The following ATP11B variants were observed in gnomAD, a reference collection of about 807,000 sequenced individuals.
ATP11B encodes the protein phospholipid-transporting ATPase IF.
ATP11B carries 81 observed loss-of-function variants against 157.8 expected under a neutral mutation model. The ratio of observed to expected loss-of-function variants is 0.51; its 90% CI spans 0.43 to 0.62. The LOEUF (loss-of-function observed/expected upper bound fraction) is 0.62. Ranked by LOEUF, ATP11B falls within the 20% of genes least tolerant of loss-of-function variation. ATP11B has a pLI of 0.00. For missense variants in ATP11B, 1,165 were observed against 1,402.2 expected (o/e 0.83, Z 2.70); for synonymous variants, 451 against 469.4 (o/e 0.96, Z 0.51).
At chr3:182,867,888 G>A (rs1721367859) in intron 15 of ATP11B, among the ~76,000 whole-genome samples, 1 of 152,118 alleles carries the variant, frequency 6.6e-6, no homozygotes, top group African/African-American at 2.4e-5. Context: ...CATTTTTAAA[G>A]GGTTGTTTTA....
At chr3:182,857,213 T>G (rs891240215) in intron 10 of ATP11B, among the ~76,000 whole-genome samples, 5 of 152,242 alleles carry the variant, frequency 3.3e-5, no homozygotes, top group Non-Finnish European at 1.5e-5. Flanking sequence ...TGGCACGATC[T>G]CGCCTCACTG....
rs759232306 is a variant in ATP11B, at chr3:182,918,049, A to G, written c.3479A>G (p.Tyr1160Cys). ...SRSWSASDPF[Y>C]TNDRSILTLS... ...TCATGGAGTGCATCGGATCCTTTCT[A>G]TACCAACGACAGGAGCATCTTGACT... Residue 1160 changes from tyrosine to cysteine, a missense_variant, in exon 30 of 30, where the codon TAT becomes TGT. By Grantham distance (194) the Tyr-to-Cys change is radical. Coordinates refer to ENST00000323116, the MANE Select transcript of ATP11B (RefSeq NM_014616.3). 1.9e-5 allele frequency: 30 copies of G among 1,613,296 alleles called. No homozygotes were observed. The Admixed American group carries it at 2.7e-4, about 14-fold the overall frequency.
chr3:182,809,462 C>T (rs146050874), intron 1 of ATP11B, among the ~76,000 whole-genome samples: 8 of 152,180 alleles, frequency 5.3e-5, no homozygotes, highest in Non-Finnish European at 7.4e-5. Flanking sequence ...TTGGCCGGGC[C>T]GTTCTTGAAC....
At chr3:182,899,376 C>T (rs1046201862) in intron 28 of ATP11B, among the ~76,000 whole-genome samples, 2 of 152,024 alleles carry the variant, frequency 1.3e-5, no homozygotes, top group Admixed American at 6.6e-5. Context: ...TGGTCTCGAT[C>T]CCCTGACCTC....
chr3:182,831,573 A>T, intron 4 of ATP11B, among the ~76,000 whole-genome samples: 1 of 88,976 alleles, frequency 1.1e-5, no homozygotes. Context: ...TTCATTTCCT[A>T]CCATTTTTTT....
chr3:182,821,297 T>C (rs1463259995), intron 2 of ATP11B, among the ~76,000 whole-genome samples: 1 of 152,194 alleles, frequency 6.6e-6, no homozygotes, highest in East Asian at 1.9e-4. Flanking sequence ...TTAGTGGAGA[T>C]GGGATTTCAC....
chr3:182,851,726 A>C (rs763263999), intron 10 of ATP11B, among the ~76,000 whole-genome samples: 2 of 152,240 alleles, frequency 1.3e-5, no homozygotes, highest in Non-Finnish European at 2.9e-5. Context: ...AACAGCAAGA[A>C]AGGAAGAACA....
intron 4 of ATP11B, chr3:182,833,666 A>C (rs1718325106): frequency 6.6e-6 from 1 of 152,138 alleles, no homozygotes; most frequent in South Asian, 2.1e-4. Context: ...AAGAGCACAT[A>C]CCTAAATAAG....
chr3:182,806,043 C>A (rs1357040600), intron 1 of ATP11B, among the ~76,000 whole-genome samples: 1 of 152,116 alleles, frequency 6.6e-6, no homozygotes, highest in Non-Finnish European at 1.5e-5. Context: ...TTTATTCTTG[C>A]TGAATAACTT....
chr3:182,896,979 AT>A (rs1387778989), intron 26 of ATP11B, among the ~76,000 whole-genome samples: 3 of 152,148 alleles, frequency 2.0e-5, no homozygotes, highest in Admixed American at 6.5e-5. Context: ...TTATGATCAC[AT>A]TTTTAAAAAT....
At chr3:182,822,043 A>C (rs755192930) in intron 2 of ATP11B, among the ~76,000 whole-genome samples, 9 of 152,048 alleles carry the variant, frequency 5.9e-5, no homozygotes, top group Non-Finnish European at 1.2e-4. Flanking sequence ...GTTCTAAAGC[A>C]GAAAGTAGGA....
chr3:182,836,171 A>T (rs754099518), intron 5 of ATP11B, 29 bp downstream of exon 5: 1 of 1,592,628 alleles, frequency 6.3e-7, no homozygotes, highest in African/African-American at 1.3e-5. Flanking sequence ...ATGGAAATCA[A>T]CTTTATCTTG....
chr3:182,811,791 T>C (rs1204059962), intron 1 of ATP11B, among the ~76,000 whole-genome samples: 1 of 152,210 alleles, frequency 6.6e-6, no homozygotes, highest in Non-Finnish European at 1.5e-5. Flanking sequence ...AGGAACAGCA[T>C]ATACTTTCAT....
intron 20 of ATP11B, among the ~76,000 whole-genome samples, chr3:182,880,249 C>T (rs1418481852): frequency 1.3e-5 from 2 of 152,118 alleles, no homozygotes; most frequent in Non-Finnish European, 2.9e-5. Flanking sequence ...CATCTAAATA[C>T]TGATTATTTC....
Position 182,869,236 on chromosome 3 carries a change from TTA to T in ATP11B, c.1773_1774del (p.Leu591PhefsTer4). 6.2e-7 allele frequency: 1 copy of T among 1,608,166 alleles called. No homozygotes were observed. The highest frequency in any genetic ancestry group is 8.5e-7 in the Non-Finnish European group (1 of 1,176,988). ...ATTTTTTTTGTCTCTAGGTGAGAAG[TTA>T]TTATTTGCTAAAGGAGCTGAGTCAT... The part of the protein sequence containing the change: ...VIVQAPSGEK[L>X]LFAKGAESSI... On this transcript the variant is annotated frameshift_variant, in exon 17 of 30. Coordinates refer to ENST00000323116, the MANE Select transcript of ATP11B (RefSeq NM_014616.3). LOFTEE classifies it high-confidence loss of function.
rs777534717 is a variant in ATP11B, at chr3:182,865,570, G to A, written c.1315G>A (p.Glu439Lys). The change falls in exon 13 of 30, where the codon GAA becomes AAA. Residue 439 changes from glutamate to lysine, a missense_variant. By Grantham distance (56) the Glu-to-Lys change is moderately conservative (BLOSUM62 1). Coordinates refer to ENST00000323116, the MANE Select transcript of ATP11B (RefSeq NM_014616.3). ...YQEINGRLVP[E>K]GPTPDSSEGN... ...AGAAATTAATGGTAGACTTGTACCC[G>A]AAGGACCAACACCAGACTCTTCAGA... 25 of 1,613,832 alleles carry A rather than the reference G, an allele frequency of 1.5e-5. No individual in the cohort carries two copies. The highest frequency in any genetic ancestry group is 3.3e-5 in the South Asian group (3 of 91,070).
chr3:182,819,079 C>CTTTTT, intron 1 of ATP11B, among the ~76,000 whole-genome samples: 1 of 135,232 alleles, frequency 7.4e-6, no homozygotes, highest in Non-Finnish European at 1.6e-5. Context: ...TCTAATATTT[C>CTTTTT]TTTTTTTTTT....
rs117745182 is a variant in ATP11B, at chr3:182,870,207, G to A, written c.1866+876G>A. 1.3e-3 allele frequency among the ~76,000 whole-genome samples: 203 copies of A among 152,312 alleles called. 4 individuals are homozygous for A. In the East Asian group the frequency reaches 0.036, roughly 27 times the overall value. ...GATATAACACTGATTTGTACTGTTT[G>A]AAGAGGTGAATTATATCTCTCATTT... On this transcript the variant is annotated intron_variant, in intron 17 of 29. Coordinates refer to ENST00000323116, the MANE Select transcript of ATP11B (RefSeq NM_014616.3).
intron 1 of ATP11B, among the ~76,000 whole-genome samples, chr3:182,799,567 G>T (rs557756002): frequency 6.6e-6 from 1 of 152,102 alleles, no homozygotes; most frequent in Admixed American, 6.5e-5. Context: ...CAGCCACCAT[G>T]CCCGGCCCGA....
Sources: gnomAD v4.1 joint callset for allele counts (sites outside exome capture counted in the v4.1 genomes callset) on GRCh38, gnomAD v4.1.1 for gene constraint, MANE v1.5 for transcripts, NCBI Gene and HGNC (gene_info 2026-07-23, HGNC 2026-07-21) for gene names.